The following ADGRB3 variants were observed in gnomAD, a reference collection of about 807,000 sequenced individuals.
ADGRB3 encodes the protein adhesion G protein-coupled receptor B3, also known as brain-specific angiogenesis inhibitor 3.
In ADGRB3, 37 loss-of-function variants were observed where a neutral mutation model predicts 193.4. The ratio of observed to expected loss-of-function variants is 0.19; its 90% CI spans 0.15 to 0.25. The LOEUF is 0.25. Ranked by LOEUF, ADGRB3 falls within the 10% of genes least tolerant of loss-of-function variation. The pLI is 1.00. For synonymous variants in ADGRB3, 690 were observed against 644.2 expected (o/e 1.07, Z -1.08); for missense variants, 1,637 against 1,852.9 (o/e 0.88, Z 2.14).
chr6:68,804,888 T>G (rs1197549396), intron 3 of ADGRB3, among the ~76,000 whole-genome samples: 2 of 152,060 alleles, frequency 1.3e-5, no homozygotes, highest in African/African-American at 4.8e-5. Flanking sequence ...ATCTCTGACT[T>G]TTCTTTGGTT....
chr6:68,701,004 A>T (rs1345008942), intron 3 of ADGRB3, among the ~76,000 whole-genome samples: 3 of 152,126 alleles, frequency 2.0e-5, no homozygotes, highest in Non-Finnish European at 4.4e-5. Context: ...CTATAAAAAA[A>T]TTTGTTTTGT....
At chr6:69,047,700 C>T (rs1345878772) in intron 13 of ADGRB3, among the ~76,000 whole-genome samples, 3 of 152,076 alleles carry the variant, frequency 2.0e-5, no homozygotes, top group Non-Finnish European at 4.4e-5. Flanking sequence ...TTCTCCATTT[C>T]TTCAGAGTAC....
intron 17 of ADGRB3, among the ~76,000 whole-genome samples, chr6:69,167,914 A>G (rs544225729): frequency 6.6e-6 from 1 of 152,144 alleles, no homozygotes. Context: ...TCCCACAACA[A>G]TGGAATTTTT....
At chr6:68,866,896 G>T (rs191161033) in intron 3 of ADGRB3, among the ~76,000 whole-genome samples, 1 of 152,272 alleles carries the variant, frequency 6.6e-6, no homozygotes, top group Non-Finnish European at 1.5e-5. Flanking sequence ...GATGTAATAT[G>T]GCTGCTCCTA....
At chr6:69,164,048 A>G (rs1376133111) in intron 17 of ADGRB3, among the ~76,000 whole-genome samples, 3 of 152,020 alleles carry the variant, frequency 2.0e-5, no homozygotes, top group Non-Finnish European at 4.4e-5. Flanking sequence ...GAGATCTTTG[A>G]AGGTGAGGTA....
chr6:69,130,039 A>G (rs1773962232), intron 17 of ADGRB3, among the ~76,000 whole-genome samples: 1 of 152,116 alleles, frequency 6.6e-6, no homozygotes, highest in Admixed American at 6.6e-5. Flanking sequence ...TAAACTGGGT[A>G]ACTTGGAAAA....
At chr6:69,122,488 A>AGGGGGG (rs1773738514) in intron 17 of ADGRB3, among the ~76,000 whole-genome samples, 6 of 2,166 alleles carry the variant, frequency 2.8e-3, no homozygotes, top group Non-Finnish European at 4.7e-3. Context: ...GGGAGGGGGG[A>AGGGGGG]GGGGGAGGGG....
intron 3 of ADGRB3, among the ~76,000 whole-genome samples, chr6:68,773,745 A>G (rs1260256336): frequency 6.6e-6 from 1 of 152,188 alleles, no homozygotes; most frequent in Non-Finnish European, 1.5e-5. Context: ...AAAGACCTCC[A>G]TGGGAAGAGA....
intron 17 of ADGRB3, among the ~76,000 whole-genome samples, chr6:69,197,953 A>G (rs1421307082): frequency 3.3e-5 from 5 of 152,022 alleles, no homozygotes; most frequent in Admixed American, 3.3e-4. Context: ...TTCATTTCCT[A>G]ATACCTTTAT....
At chr6:69,270,839 T>C (rs1311188554) in intron 20 of ADGRB3, among the ~76,000 whole-genome samples, 2 of 152,210 alleles carry the variant, frequency 1.3e-5, no homozygotes, top group Non-Finnish European at 2.9e-5. Flanking sequence ...TTTCCACATA[T>C]TTTTGTTCTT....
At chr6:69,102,826 G>A (rs997662414) in intron 17 of ADGRB3, among the ~76,000 whole-genome samples, 7 of 152,244 alleles carry the variant, frequency 4.6e-5, no homozygotes, top group African/African-American at 1.4e-4. Context: ...TATACTTCAT[G>A]TATATACTCA....
chr6:68,707,110 C>CAAAA (rs11349240), intron 3 of ADGRB3, among the ~76,000 whole-genome samples: 2 of 90,516 alleles, frequency 2.2e-5, no homozygotes, highest in Non-Finnish European at 2.3e-5. Context: ...GACTCCATCT[C>CAAAA]AAAAAAAAAA....
chr6:69,339,244 C>T, intron 25 of ADGRB3, 89 bp from the exon 26 acceptor site: 1 of 1,466,252 alleles, frequency 6.8e-7, no homozygotes, highest in South Asian at 1.3e-5. Flanking sequence ...CTTGGAACCA[C>T]ATACAAAAAT....
chr6:69,213,321 T>C (rs1430017151), intron 17 of ADGRB3, among the ~76,000 whole-genome samples: 8 of 152,206 alleles, frequency 5.3e-5, no homozygotes, highest in African/African-American at 1.9e-4. Flanking sequence ...TTTCCCTGGT[T>C]CCAAAGATGC....
At chr6:69,104,495 C>A (rs1251951488) in intron 17 of ADGRB3, among the ~76,000 whole-genome samples, 1 of 151,812 alleles carries the variant, frequency 6.6e-6, no homozygotes, top group African/African-American at 2.4e-5. Context: ...CGCAATGGTT[C>A]AGGATAGAGC....
At chr6:69,160,970 T>A (rs1774969676) in intron 17 of ADGRB3, among the ~76,000 whole-genome samples, 1 of 152,190 alleles carries the variant, frequency 6.6e-6, no homozygotes, top group East Asian at 1.9e-4. Flanking sequence ...AACTCAACAC[T>A]CAGACTCATG....
At chr6:68,649,825 G>A (rs1003848910) in intron 3 of ADGRB3, among the ~76,000 whole-genome samples, 1 of 152,106 alleles carries the variant, frequency 6.6e-6, no homozygotes, top group African/African-American at 2.4e-5. Flanking sequence ...CTGTGGGTTG[G>A]CTGCATGCCC....
At chr6:68,646,304 C>G (rs946943502) in intron 3 of ADGRB3, among the ~76,000 whole-genome samples, 6 of 151,418 alleles carry the variant, frequency 4.0e-5, no homozygotes, top group Non-Finnish European at 4.4e-5. Flanking sequence ...TGATGAAACC[C>G]TGTCTCTACT....
chr6:69,338,156 T>C (rs1168165467), intron 24 of ADGRB3, among the ~76,000 whole-genome samples: 1 of 152,194 alleles, frequency 6.6e-6, no homozygotes, highest in African/African-American at 2.4e-5. Flanking sequence ...TGTTTGAATC[T>C]GAATTTATGT....
Sources: allele counts gnomAD v4.1 joint callset (sites outside exome capture counted in the v4.1 genomes callset), GRCh38; gene constraint gnomAD v4.1.1; transcripts MANE v1.5; gene names NCBI Gene and HGNC (gene_info 2026-07-23, HGNC 2026-07-21).